Variants in EQTN observed in about 807,000 individuals in gnomAD.
EQTN encodes the protein equatorin, also known as Acrosome formation associated factor.
EQTN carries 29 observed loss-of-function variants against 26.9 expected under a neutral mutation model. The ratio of observed to expected loss-of-function variants is 1.08; its 90% CI spans 0.80 to 1.47. The LOEUF is 1.47. EQTN is among the 40% of genes most tolerant of loss of function. The pLI, the probability that EQTN is intolerant of heterozygous loss-of-function variation, is 0.00. For missense variants in EQTN, 391 were observed against 346.1 expected (o/e 1.13, Z -1.03); for synonymous variants, 129 against 120.0 (o/e 1.07, Z -0.49).
At position 27,289,636 on chromosome 9, in the gene EQTN, C is replaced by T. The variant is rs536533352; in HGVS notation, c.481+36G>A. On this transcript the variant is annotated intron_variant, in intron 6 of 7. Coordinates refer to ENST00000380032, the MANE Select transcript of EQTN (RefSeq NM_020641.3). ...AAGTGCTGGGATTATAGGCATTAGC[C>T]ACTGCACCCAGTCAATTGAAATATT... 88 of 1,559,294 alleles carry T rather than the reference C, an allele frequency of 5.6e-5. 1 individual carries two copies. In the South Asian group the frequency reaches 1.0e-3, roughly 18 times the overall value.
intron 2 of EQTN, among the ~76,000 whole-genome samples, chr9:27,296,076 G>A (rs1820336566): frequency 6.6e-6 from 1 of 152,080 alleles, no homozygotes; most frequent in African/African-American, 2.4e-5. Context: ...TGAGATGGGT[G>A]AATCGCTTGA....
chr9:27,295,564 T>A (rs1490299668), intron 2 of EQTN, among the ~76,000 whole-genome samples: 1 of 151,616 alleles, frequency 6.6e-6, no homozygotes, highest in East Asian at 2.0e-4. Context: ...CCGGGTGCAG[T>A]GGCTCACGCC....
At chr9:27,290,771 T>A (rs1470490420) in intron 5 of EQTN, among the ~76,000 whole-genome samples, 1 of 152,274 alleles carries the variant, frequency 6.6e-6, no homozygotes, top group Non-Finnish European at 1.5e-5. Flanking sequence ...TTGAAAAATT[T>A]TAACCATAAA....
intron 2 of EQTN, among the ~76,000 whole-genome samples, chr9:27,295,262 C>T (rs570463118): frequency 2.4e-4 from 36 of 151,990 alleles, no homozygotes; most frequent in Non-Finnish European, 4.7e-4. Context: ...TGAGACAGAG[C>T]TATGGAAAAA....
chr9:27,292,230 C>G, intron 4 of EQTN, 171 bp downstream of exon 4: 1 of 390,016 alleles, frequency 2.6e-6, no homozygotes, highest in Non-Finnish European at 4.5e-6. Flanking sequence ...TACCTGAAGA[C>G]TGACTGTTAG....
rs768793415 is a variant in EQTN at position 27,296,740 on chromosome 9, T to TA, written c.77-3dup. 1.5e-4 allele frequency: 235 copies of TA among 1,594,924 alleles called. No individual in the cohort carries two copies. Among genetic ancestry groups the TA allele is most frequent in the Admixed American group, 7.1e-4 (39 of 54,946 alleles). The stretch of plus-strand genomic sequence containing the variant: ...TTAAAGGTAGCACATTAGGCAATGC[T>TA]AAAAAAAAGTATCACACACCATAGA... On this transcript the variant is annotated splice_polypyrimidine_tract_variant and splice_region_variant and intron_variant, in intron 1 of 7. Coordinates refer to ENST00000380032, the MANE Select transcript of EQTN (RefSeq NM_020641.3).
intron 2 of EQTN, 89 bp from the exon 3 acceptor site, chr9:27,294,491 A>T (rs1361907637): frequency 1.6e-6 from 1 of 643,818 alleles, no homozygotes; most frequent in Non-Finnish European, 2.5e-6. Context: ...TTCTTAAAAC[A>T]TGCACTAATT....
In EQTN at chr9:27,284,842, T is replaced by A. The variant is rs1466381812; in HGVS notation, c.766A>T (p.Thr256Ser). ...CCTGATCTTCTCATATCTGAAGAAGTGGTACCCAAAAATGTGCTGCTCTCT... is the reference window on the plus strand; with the variant it reads ...CCTGATCTTCTCATATCTGAAGAAGAGGTACCCAAAAATGTGCTGCTCTCT... ...SAESSTFLGTTSSDMRRSGTR... is the reference protein window; with the variant it reads ...SAESSTFLGTSSSDMRRSGTR... Residue 256 changes from threonine to serine, a missense_variant, in exon 8 of 8, where the codon ACT becomes TCT. By Grantham distance (58) the Thr-to-Ser change is moderately conservative (BLOSUM62 1). Transcript: ENST00000380032. The A allele has an allele frequency of 1.2e-6, 2 of 1,614,156 alleles. No individual in the cohort carries two copies. Among genetic ancestry groups the A allele is most frequent in the Non-Finnish European group, 1.7e-6 (2 of 1,180,030 alleles).
At chr9:27,289,540 G>A in intron 6 of EQTN, 132 bp downstream of exon 6, 1 of 581,726 alleles carries the variant, frequency 1.7e-6, no homozygotes, top group South Asian at 3.0e-5. Context: ...GTAGAGAAAA[G>A]GTTTTTGTCA....
Position 27,286,286 on chromosome 9 carries a change from G to A in EQTN, c.558C>T (p.Ile186=), listed in dbSNP as rs1001530510. The A allele has an allele frequency of 3.1e-6, 5 of 1,612,584 alleles. No individual in the cohort carries two copies. The highest frequency in any genetic ancestry group is 1.3e-5 in the African/African-American group (1 of 74,918). ...CAAAGAGGAGGAGGGTCATCAACGA[G>A]ATTCCCAGCATTATTTTGATCTTCA... is the stretch of plus-strand genomic sequence containing the variant. ...EDLKIKIMLG[I]SLMTLLLFVV... The change falls in exon 7 of 8, where the codon ATC becomes ATT. Residue 186 remains isoleucine (I), a synonymous_variant. Coordinates refer to ENST00000380032, the MANE Select transcript of EQTN (RefSeq NM_020641.3).
intron 2 of EQTN, 79 bp downstream of exon 2, chr9:27,296,534 G>T (rs1820347712): frequency 2.9e-6 from 3 of 1,042,912 alleles, no homozygotes; most frequent in East Asian, 2.6e-5. Context: ...GGAAATGATG[G>T]AAATTTAAAA....
In EQTN at chr9:27,285,537, G is replaced by A. The variant is rs4879349; in HGVS notation, c.636-565C>T. 2.3e-3 allele frequency among the ~76,000 whole-genome samples: 347 copies of A among 152,226 alleles called. 4 individuals are homozygous for A. Among genetic ancestry groups the A allele is most frequent in the Admixed American group, 0.02 (306 of 15,284 alleles). Reference sequence around the variant, plus strand: ...TATAAACCAATTTACTAAAACAGTAGAAGTTGCCTTAATAAAATTTAATAA... The same window carrying A: ...TATAAACCAATTTACTAAAACAGTAAAAGTTGCCTTAATAAAATTTAATAA... On this transcript the variant is annotated intron_variant, in intron 7 of 7. Transcript: ENST00000380032.
Position 27,286,306 on chromosome 9 carries a change from T to G in EQTN, c.538A>C (p.Ile180Leu). 6.2e-7 allele frequency: 1 copy of G among 1,609,906 alleles called. No individual in the cohort carries two copies. Among genetic ancestry groups the G allele is most frequent in the Non-Finnish European group, 8.5e-7 (1 of 1,178,004 alleles). ...ENQPDLEDLKIKIMLGISLMT... is the reference protein window; with the variant it reads ...ENQPDLEDLKLKIMLGISLMT... Reference sequence around the variant, plus strand: ...AACGAGATTCCCAGCATTATTTTGATCTTCAGATCCTCTAGATCTGGCTGA... The same window carrying G: ...AACGAGATTCCCAGCATTATTTTGAGCTTCAGATCCTCTAGATCTGGCTGA... The change falls in exon 7 of 8, where the codon ATC (isoleucine) becomes CTC (leucine). Residue 180 changes from isoleucine to leucine, a missense_variant. Transcript: ENST00000380032.
intron 2 of EQTN, 94 bp downstream of exon 2, chr9:27,296,519 C>G: frequency 1.1e-6 from 1 of 888,366 alleles, no homozygotes; most frequent in South Asian, 2.0e-5. Context: ...CCAACAAATA[C>G]AGGGGGAAAT....
chr9:27,290,645 C>T (rs140722912), intron 5 of EQTN, among the ~76,000 whole-genome samples: 15 of 152,300 alleles, frequency 9.8e-5, no homozygotes, highest in Non-Finnish European at 1.0e-4. Context: ...ATTTATGAGA[C>T]ACACTTTTAT....
chr9:27,286,904 A>C (rs1320166203), intron 6 of EQTN, among the ~76,000 whole-genome samples: 1 of 152,196 alleles, frequency 6.6e-6, no homozygotes, highest in Non-Finnish European at 1.5e-5. Context: ...TTATTACTGA[A>C]AAGACTAAAC....
intron 6 of EQTN, 85 bp from the exon 7 acceptor site, chr9:27,286,447 A>T: frequency 7.5e-7 from 1 of 1,339,258 alleles, no homozygotes; most frequent in South Asian, 1.4e-5. Flanking sequence ...AATACAGAGA[A>T]GCAAGCCCTC....
chr9:27,291,172 G>C, intron 4 of EQTN, 109 bp from the exon 5 acceptor site: 2 of 970,756 alleles, frequency 2.1e-6, no homozygotes, highest in East Asian at 5.3e-5. Flanking sequence ...GTTAAACTTT[G>C]AGCTCCTATA....
chr9:27,289,503 C>A (rs112581334), intron 6 of EQTN, among the ~76,000 whole-genome samples, 169 bp downstream of exon 6: 1 of 152,144 alleles, frequency 6.6e-6, no homozygotes, highest in Non-Finnish European at 1.5e-5. Context: ...GACATGCCAC[C>A]GTGCCCACCT....
Sources: gnomAD v4.1 joint callset for allele counts (sites outside exome capture counted in the v4.1 genomes callset) on GRCh38, gnomAD v4.1.1 for gene constraint, MANE v1.5 for transcripts, NCBI Gene and HGNC (gene_info 2026-07-23, HGNC 2026-07-21) for gene names.